THSD7A: variants seen among roughly 807,000 people sequenced by gnomAD.
The protein encoded by THSD7A is thrombospondin type-1 domain-containing protein 7A.
A neutral mutation model predicts 231.3 loss-of-function variants in THSD7A; 96 were observed. The ratio of observed to expected loss-of-function variants is 0.41; its 90% CI spans 0.35 to 0.49. The LOEUF (loss-of-function observed/expected upper bound fraction) is 0.49. Among genes scored for constraint, THSD7A ranks in the 20% least tolerant of loss-of-function variants. THSD7A has a pLI of 0.05. For synonymous variants in THSD7A, 940 were observed against 743.3 expected (o/e 1.26, Z -4.30); for missense variants, 2,290 against 2,070.2 (o/e 1.11, Z -2.06).
intron 1 of THSD7A, among the ~76,000 whole-genome samples, chr7:11,685,196 T>C (rs759552751): frequency 7.9e-4 from 120 of 151,926 alleles, no homozygotes; most frequent in Non-Finnish European, 1.3e-3. Flanking sequence ...ACTTGACCTA[T>C]ACCTCTCATC....
At chr7:11,583,210 A>ATTTTTTTTTTTTTTTTTTTTTT (rs1361326156) in intron 4 of THSD7A, among the ~76,000 whole-genome samples, 18 of 151,954 alleles carry the variant, frequency 1.2e-4, no homozygotes, top group African/African-American at 4.4e-4. Context: ...CTGACTCATT[A>ATTTTTTTTTTTTTTTTTTTTTT]TTTTTAATCT....
intron 4 of THSD7A, among the ~76,000 whole-genome samples, chr7:11,555,357 G>A (rs1384515719): frequency 1.3e-5 from 2 of 151,882 alleles, no homozygotes; most frequent in Admixed American, 6.6e-5. Context: ...TTAGAAGTGT[G>A]TTGTTTTCCA....
At chr7:11,769,153 A>ATATATATATTTTTTTTTTTTTTT in intron 1 of THSD7A, among the ~76,000 whole-genome samples, 1 of 27,650 alleles carries the variant, frequency 3.6e-5, no homozygotes. Flanking sequence ...ATATATATAT[A>ATATATATATTTTTTTTTTTTTTT]TTTTTTTTTT....
chr7:11,449,854 C>G (rs1251881987), intron 11 of THSD7A, among the ~76,000 whole-genome samples: 1 of 151,928 alleles, frequency 6.6e-6, no homozygotes, highest in Non-Finnish European at 1.5e-5. Context: ...AGATATTAAA[C>G]TTTTTACTAA....
At position 11,831,140 on chromosome 7, in the gene THSD7A, A is replaced by G. The variant is rs1217338407; in HGVS notation, c.190+617T>C. ...GAAAAACAAAGCAAAACAATTCTCA[A>G]GGAAGGAAGAGAAAGTTTGAACCCA... On this transcript the variant is annotated intron_variant, in intron 1 of 27. Coordinates refer to ENST00000423059, the MANE Select transcript of THSD7A (RefSeq NM_015204.3). The surrounding 1 kb of genome is among the most constrained non-coding windows in gnomAD (Gnocchi z 5.0). Among the ~76,000 whole-genome samples, 1 of 152,202 alleles carries G rather than the reference A, an allele frequency of 6.6e-6. No individual in the cohort carries two copies. Among genetic ancestry groups the G allele is most frequent in the Non-Finnish European group, 1.5e-5 (1 of 68,028 alleles).
intron 1 of THSD7A, among the ~76,000 whole-genome samples, chr7:11,824,806 C>G (rs930231711): frequency 5.3e-5 from 8 of 152,032 alleles, no homozygotes; most frequent in Non-Finnish European, 7.4e-5. Context: ...GTATAAAATA[C>G]AAGCAACTAT....
intron 1 of THSD7A, among the ~76,000 whole-genome samples, chr7:11,809,056 T>G (rs1280379398): frequency 2.1e-4 from 32 of 152,140 alleles, no homozygotes; most frequent in Non-Finnish European, 7.4e-5. Context: ...TAAGCTAAAT[T>G]AAGTTTAAGT....
intron 13 of THSD7A, among the ~76,000 whole-genome samples, chr7:11,432,363 C>T (rs1784502075): frequency 6.6e-6 from 1 of 152,022 alleles, no homozygotes; most frequent in South Asian, 2.1e-4. Context: ...TTTTAAACTT[C>T]GTATTGTAGT....
intron 1 of THSD7A, among the ~76,000 whole-genome samples, chr7:11,737,652 T>G (rs1451481209): frequency 1.3e-5 from 2 of 152,002 alleles, no homozygotes; most frequent in Non-Finnish European, 2.9e-5. Context: ...TTGTGTCATA[T>G]TTGTCATATT....
intron 1 of THSD7A, among the ~76,000 whole-genome samples, chr7:11,829,367 G>C (rs773201134): frequency 1.3e-5 from 2 of 152,018 alleles, no homozygotes; most frequent in Non-Finnish European, 2.9e-5. Flanking sequence ...AAGGCCCTTA[G>C]ATATCATTTT....
rs2128173469 is a variant in THSD7A, at chr7:11,777,842, A to G, written c.190+53915T>C. ...ACACCATGGAGGCAGGCAAAACTGT[A>G]CCTGCTTCTACAGAAAGAAAGCCCT... On this transcript the variant is annotated intron_variant, in intron 1 of 27. Transcript: ENST00000423059. Among the ~76,000 whole-genome samples, 3 of 152,210 alleles carry G rather than the reference A, an allele frequency of 2.0e-5. No individual in the cohort carries two copies. In the Middle Eastern group the frequency reaches 0.01, roughly 518 times the overall value.
rs974293917 is a variant in THSD7A at position 11,370,483 on chromosome 7, T to C, written c.*5311A>G. 2 of 152,184 alleles carry C rather than the reference T, an allele frequency of 1.3e-5. No individual in the cohort carries two copies. Among genetic ancestry groups the C allele is most frequent in the African/African-American group, 2.4e-5 (1 of 41,448 alleles). The allele number at this position is 152,184 out of a possible 1,614,324, so 9.4% of individuals were successfully genotyped here. A position where few individuals can be genotyped will look rare whatever the true frequency, so the allele number is the denominator to read the frequency against. The stretch of plus-strand genomic sequence containing the variant: ...TTTATGTTTGTCAGCAATATAGTTA[T>C]TTACAAATAACCCATATGAAAATGT... On this transcript the variant is annotated 3_prime_UTR_variant, in exon 28 of 28. Coordinates refer to ENST00000423059, the MANE Select transcript of THSD7A (RefSeq NM_015204.3).
intron 4 of THSD7A, among the ~76,000 whole-genome samples, chr7:11,554,833 A>T (rs4291151): frequency 0.17 from 26,375 of 151,650 alleles, 2,302 homozygotes; most frequent in Admixed American, 0.2. Flanking sequence ...GTAGGTTGCA[A>T]TTTATTTTGA....
At chr7:11,566,296 T>G (rs566096658) in intron 4 of THSD7A, among the ~76,000 whole-genome samples, 25 of 152,204 alleles carry the variant, frequency 1.6e-4, no homozygotes, top group African/African-American at 6.0e-4. Context: ...ATTACTGGGG[T>G]TTGGGGAGAG....
intron 2 of THSD7A, among the ~76,000 whole-genome samples, chr7:11,623,590 G>A (rs1009829517): frequency 6.6e-6 from 1 of 152,094 alleles, no homozygotes; most frequent in African/African-American, 2.4e-5. Context: ...TGCAGTTCAG[G>A]ATTAGAGAAA....
chr7:11,827,447 T>C (rs1028756404), intron 1 of THSD7A, among the ~76,000 whole-genome samples: 1 of 152,206 alleles, frequency 6.6e-6, no homozygotes, highest in African/African-American at 2.4e-5. Context: ...CTAGCCTTTC[T>C]AAACTTTTAA....
intron 24 of THSD7A, among the ~76,000 whole-genome samples, chr7:11,381,334 C>G (rs534341529): frequency 6.6e-6 from 1 of 152,194 alleles, no homozygotes; most frequent in African/African-American, 2.4e-5. Flanking sequence ...CTTGAGAGAG[C>G]TTTCTCATGT....
intron 1 of THSD7A, among the ~76,000 whole-genome samples, chr7:11,822,515 T>C (rs527668399): frequency 1.3e-5 from 2 of 152,156 alleles, no homozygotes; most frequent in South Asian, 2.1e-4. Flanking sequence ...TTAAGATGAG[T>C]ATAGGTGTCT....
intron 6 of THSD7A, among the ~76,000 whole-genome samples, chr7:11,502,205 A>G (rs1448130489): frequency 6.6e-6 from 1 of 152,194 alleles, no homozygotes; most frequent in Non-Finnish European, 1.5e-5. Flanking sequence ...GAATTCTACC[A>G]GATGTATAAA....
Sources: gnomAD v4.1 joint callset for allele counts (sites outside exome capture counted in the v4.1 genomes callset) on GRCh38, gnomAD v4.1.1 for gene constraint, Gnocchi (gnomAD v3.1) non-coding constraint, MANE v1.5 for transcripts, NCBI Gene and HGNC (gene_info 2026-07-23, HGNC 2026-07-21) for gene names.